The following HCRTR2 variants were observed in gnomAD, a reference collection of about 807,000 sequenced individuals.
The protein encoded by HCRTR2 is hypocretin receptor 2, also known as orexin receptor type 2.
Under a neutral mutation model 49.0 loss-of-function variants are expected in HCRTR2, and 22 were observed. The observed-to-expected ratio is 0.45, with a 90% CI of 0.32 to 0.64. HCRTR2 has a LOEUF of 0.64. Ranked by LOEUF, HCRTR2 falls within the 30% of genes least tolerant of loss-of-function variation. The pLI is 0.04. For missense variants in HCRTR2, 491 were observed against 559.4 expected, an observed-to-expected ratio of 0.88 and a Z score of 1.23; for synonymous variants, 236 against 205.3, an observed-to-expected ratio of 1.15 and a Z score of -1.28.
intron 2 of HCRTR2, among the ~76,000 whole-genome samples, chr6:55,250,357 A>G (rs1766525913): frequency 6.6e-6 from 1 of 152,156 alleles, no homozygotes; most frequent in South Asian, 2.1e-4. Context: ...GGAAAGTAAT[A>G]CATTTCAGAT....
intron 1 of HCRTR2, among the ~76,000 whole-genome samples, chr6:55,200,340 C>T (rs1562004656): frequency 6.6e-6 from 1 of 151,328 alleles, no homozygotes; most frequent in Non-Finnish European, 1.5e-5. Flanking sequence ...TCTTGGCTCA[C>T]TGCAACTCCC....
intron 1 of HCRTR2, among the ~76,000 whole-genome samples, chr6:55,208,761 G>A (rs897992041): frequency 2.6e-5 from 4 of 152,242 alleles, no homozygotes; most frequent in Admixed American, 6.5e-5. Context: ...ATGTAATGCA[G>A]CCATGATTGT....
intron 4 of HCRTR2, among the ~76,000 whole-genome samples, chr6:55,265,013 AT>A (rs889187674): frequency 1.4e-4 from 22 of 152,010 alleles, no homozygotes; most frequent in African/African-American, 4.1e-4. Flanking sequence ...AGCAACACTC[AT>A]TTTTTTTAAC....
At chr6:55,233,214 G>T (rs1384015798) in intron 1 of HCRTR2, among the ~76,000 whole-genome samples, 1 of 151,576 alleles carries the variant, frequency 6.6e-6, no homozygotes, top group Non-Finnish European at 1.5e-5. Context: ...TCGGCATCCC[G>T]AGTAGCTGGG....
chr6:55,112,521 A>C (rs1764062493), intron 1 of HCRTR2, among the ~76,000 whole-genome samples: 1 of 150,706 alleles, frequency 6.6e-6, no homozygotes, highest in South Asian at 2.1e-4. Flanking sequence ...AGTCAAATTC[A>C]GAATTCAACC....
intron 1 of HCRTR2, among the ~76,000 whole-genome samples, chr6:55,245,067 T>C (rs1200162555): frequency 1.3e-5 from 2 of 151,960 alleles, no homozygotes; most frequent in African/African-American, 2.4e-5. Flanking sequence ...TGGGTTACTA[T>C]AGGCTTATAG....
intron 1 of HCRTR2, among the ~76,000 whole-genome samples, chr6:55,246,564 C>T (rs140034772): frequency 2.0e-5 from 3 of 152,010 alleles, no homozygotes; most frequent in Admixed American, 1.3e-4. Flanking sequence ...ATCTTAAAGC[C>T]CTGTCAAATA....
chr6:55,191,019 G>A (rs1328359144), intron 1 of HCRTR2, among the ~76,000 whole-genome samples: 1 of 152,100 alleles, frequency 6.6e-6, no homozygotes, highest in Admixed American at 6.5e-5. Context: ...TCAGAGGGGA[G>A]TAGATTAAAA....
chr6:55,130,722 A>T (rs1050176496), intron 1 of HCRTR2, among the ~76,000 whole-genome samples: 2 of 151,786 alleles, frequency 1.3e-5, no homozygotes, highest in Non-Finnish European at 3.0e-5. Context: ...GAAGACTAAA[A>T]TGTTTTCTCC....
intron 1 of HCRTR2, among the ~76,000 whole-genome samples, chr6:55,205,389 A>G: frequency 6.6e-6 from 1 of 152,326 alleles, no homozygotes. Flanking sequence ...GGTAGTGAAG[A>G]GATTGAAATG....
At chr6:55,205,940 A>G (rs1765593405) in intron 1 of HCRTR2, among the ~76,000 whole-genome samples, 1 of 152,068 alleles carries the variant, frequency 6.6e-6, no homozygotes, top group Non-Finnish European at 1.5e-5. Context: ...AAAACATCTC[A>G]TGTACCCCAT....
chr6:55,182,904 A>G (rs1765156702), intron 1 of HCRTR2, among the ~76,000 whole-genome samples: 1 of 152,206 alleles, frequency 6.6e-6, no homozygotes, highest in Non-Finnish European at 1.5e-5. Flanking sequence ...CAGAATCTAT[A>G]TAATAGTTAA....
chr6:55,233,694 C>T (rs4645424), intron 1 of HCRTR2, among the ~76,000 whole-genome samples: 1 of 130,706 alleles, frequency 7.7e-6, no homozygotes, highest in Non-Finnish European at 1.8e-5. Flanking sequence ...GACCCTGTCT[C>T]TAAAGAATAA....
intron 1 of HCRTR2, among the ~76,000 whole-genome samples, chr6:55,188,849 A>G (rs1765268771): frequency 6.6e-6 from 1 of 152,196 alleles, no homozygotes; most frequent in African/African-American, 2.4e-5. Flanking sequence ...GGAAAGAAAT[A>G]CCTTCTTCAC....
In HCRTR2 at chr6:55,142,129, ATTAG is replaced by A. The variant is rs1329160659; in HGVS notation, c.-377-32078_-377-32075del. On this transcript the variant is annotated intron_variant, in intron 1 of 7. Coordinates refer to the HCRTR2 transcript ENST00000615358. The stretch of plus-strand genomic sequence containing the variant: ...AACTGAAAACAACTTATTGAAGAGA[ATTAG>A]TTAAATAGTCCTTAAGAGAAATGAT... Among the ~76,000 whole-genome samples, 14 of 152,184 alleles carry A rather than the reference ATTAG, an allele frequency of 9.2e-5. No individual in the cohort carries two copies. In the East Asian group the frequency reaches 9.6e-4, roughly 10 times the overall value.
chr6:55,139,212 TG>T (rs939628986), intron 1 of HCRTR2, among the ~76,000 whole-genome samples: 1 of 152,160 alleles, frequency 6.6e-6, no homozygotes, highest in Non-Finnish European at 1.5e-5. Flanking sequence ...ATGAAAATTG[TG>T]GATTCACCTT....
intron 1 of HCRTR2, among the ~76,000 whole-genome samples, chr6:55,200,235 T>TTGTGTGTGTGTGTG (rs34710192): frequency 1.6e-4 from 21 of 135,294 alleles, no homozygotes; most frequent in Admixed American, 1.4e-3. Context: ...GTTTGCTGTC[T>TTGTGTGTGTGTGTG]TGTGTGTGTG....
chr6:55,189,378 A>T (rs938077590), intron 1 of HCRTR2, among the ~76,000 whole-genome samples: 3 of 152,134 alleles, frequency 2.0e-5, no homozygotes, highest in Non-Finnish European at 4.4e-5. Context: ...AATGGGATAG[A>T]ATATGAAAAA....
chr6:55,181,451 A>G (rs1490574887), intron 1 of HCRTR2, among the ~76,000 whole-genome samples: 1 of 152,220 alleles, frequency 6.6e-6, no homozygotes, highest in Non-Finnish European at 1.5e-5. Flanking sequence ...AAATGACTAT[A>G]TCTTTATTTC....
Sources: allele counts gnomAD v4.1 joint callset (sites outside exome capture counted in the v4.1 genomes callset), GRCh38; gene constraint gnomAD v4.1.1; transcripts MANE v1.5; gene names NCBI Gene and HGNC (gene_info 2026-07-23, HGNC 2026-07-21).